The following PSORS1C1 variants were observed in gnomAD, a reference collection of about 807,000 sequenced individuals.
PSORS1C1 encodes psoriasis susceptibility 1 candidate 1.
A neutral mutation model predicts 9.4 loss-of-function variants in PSORS1C1; 7 were observed. The observed-to-expected ratio is 0.75, with a 90% CI of 0.42 to 1.40. The LOEUF (loss-of-function observed/expected upper bound fraction) is 1.40. PSORS1C1 is among the 40% of genes most tolerant of loss of function. PSORS1C1 has a pLI of 0.01. For synonymous variants in PSORS1C1, 63 were observed against 69.4 expected (o/e 0.91, Z 0.46); for missense variants, 146 against 178.1 (o/e 0.82, Z 1.02).
At chr6:31,117,638 CA>C in intron 1 of PSORS1C1, 2 of 923,636 alleles carry the variant, frequency 2.2e-6, no homozygotes, top group Non-Finnish European at 1.7e-6. Flanking sequence ...AAGCAGAGCG[CA>C]GGGAGAGTTT....
In PSORS1C1 at chr6:31,139,888, T is replaced by C. The variant is rs951185442; in HGVS notation, c.415T>C (p.Ser139Pro). Reference protein sequence around the residue: ...RTLAPTLLYSSPPSHSPFGLS... With the variant: ...RTLAPTLLYSPPPSHSPFGLS... ...CTTGGCTCCAACTCTATTGTACTCG[T>C]CTCCTCCCTCCCATTCTCCTTTTGG... is the stretch of plus-strand genomic sequence containing the variant. Residue 139 changes from serine (S) to proline (P), a missense_variant, in exon 6 of 6, where the codon TCT (serine) becomes CCT (proline). Ser to Pro is a moderately conservative substitution (Grantham distance 74). Transcript: ENST00000259881. The surrounding 1 kb of genome is among the most constrained non-coding windows in gnomAD (Gnocchi z 5.2). 3.1e-6 allele frequency: 5 copies of C among 1,612,856 alleles called. No homozygotes were observed. Among genetic ancestry groups the C allele is most frequent in the Non-Finnish European group, 4.2e-6 (5 of 1,179,982 alleles).
chr6:31,130,174 G>C (rs372614518), intron 3 of PSORS1C1, among the ~76,000 whole-genome samples: 63 of 152,000 alleles, frequency 4.1e-4, no homozygotes, highest in African/African-American at 1.4e-3. Context: ...CAGTTTGAGG[G>C]GTCCAGACCT....
chr6:31,129,587 G>A lies in PSORS1C1; in HGVS notation c.-46G>A. The A allele has an allele frequency of 1.3e-6, 1 of 779,200 alleles. No homozygotes were observed. Among genetic ancestry groups the A allele is most frequent in the Non-Finnish European group, 2.4e-6 (1 of 417,842 alleles). The allele number at this position is 779,200 out of a possible 1,614,324, so 48.3% of individuals were successfully genotyped here. ...ATGTCAGCCTGGGAAGAATTGGTTT[G>A]CAGCCAGGCAGTCCTCCATCCAGTC... On this transcript the variant is annotated 5_prime_UTR_variant, in exon 3 of 6. Coordinates refer to ENST00000259881, the MANE Select transcript of PSORS1C1 (RefSeq NM_014068.3).
Position 31,139,709 on chromosome 6 carries a change from G to T in PSORS1C1, c.236G>T (p.Arg79Ile), listed in dbSNP as rs1051311395. 1 of 1,613,066 alleles carries T rather than the reference G, an allele frequency of 6.2e-7. No homozygotes were observed. The highest frequency in any genetic ancestry group is 8.5e-7 in the Non-Finnish European group (1 of 1,180,032). The change falls in exon 6 of 6, where the codon AGA (arginine) becomes ATA (isoleucine). Residue 79 changes from arginine (R) to isoleucine (I), a missense_variant. Coordinates refer to ENST00000259881, the MANE Select transcript of PSORS1C1 (RefSeq NM_014068.3). The surrounding 1 kb of genome is among the most constrained non-coding windows in gnomAD (Gnocchi z 5.2). ...CTGGCAGCCACCCAGGATGACTGCA[G>T]AAAAGGAAGGACACAGGAGGATATC... ...FHLAATQDDC[R>I]KGRTQEDILV...
rs3909110 is a variant in PSORS1C1 at position 31,128,405 on chromosome 6, T to G, written c.-64-1164T>G. On this transcript the variant is annotated intron_variant, in intron 2 of 5. Coordinates refer to ENST00000259881, the MANE Select transcript of PSORS1C1 (RefSeq NM_014068.3). The surrounding 1 kb of genome is among the most constrained non-coding windows in gnomAD (Gnocchi z 4.3). Reference sequence around the variant, plus strand: ...CCTAAAGTCCCATCCCAAGGTCACATAGAGAACGAATGGCTAAGTAGCGAC... The same window carrying G: ...CCTAAAGTCCCATCCCAAGGTCACAGAGAGAACGAATGGCTAAGTAGCGAC... Among the ~76,000 whole-genome samples, 1 of 151,962 alleles carries G rather than the reference T, an allele frequency of 6.6e-6. No homozygotes were observed. Among genetic ancestry groups the G allele is most frequent in the Admixed American group, 6.5e-5 (1 of 15,270 alleles).
intron 1 of PSORS1C1, chr6:31,118,052 G>A (rs1772264986): frequency 6.3e-6 from 1 of 157,908 alleles, no homozygotes; most frequent in Admixed American, 6.1e-5. Context: ...AGGCTCTGAG[G>A]AGTCCAGGCG....
rs763664266 is a variant in PSORS1C1 at position 31,114,892 on chromosome 6, G to T, written c.-229+1G>T. On this transcript the variant is annotated splice_donor_variant, in intron 1 of 5. Coordinates refer to ENST00000259881, the MANE Select transcript of PSORS1C1 (RefSeq NM_014068.3). LOFTEE classifies it low-confidence loss of function (5UTR_SPLICE). The stretch of plus-strand genomic sequence containing the variant: ...TCCCAGAGAGGATGGCATCTAGAAG[G>T]TGAGGAATGCTAATGGTGGAAGAAA... 15 of 452,664 alleles carry T rather than the reference G, an allele frequency of 3.3e-5. No homozygotes were observed. Among genetic ancestry groups the T allele is most frequent in the South Asian group, 2.3e-4 (15 of 64,106 alleles). 28.0% of individuals were successfully genotyped at this position (452,664 alleles called of 1,614,324 possible). A position where few individuals can be genotyped will look rare whatever the true frequency, so the allele number is the denominator to read the frequency against.
intron 1 of PSORS1C1, chr6:31,120,359 G>A (rs761659956): frequency 6.3e-7 from 1 of 1,592,456 alleles, no homozygotes; most frequent in Non-Finnish European, 8.5e-7. Context: ...CCAGCCAGCA[G>A]CAGTGCCATC....
Position 31,128,785 on chromosome 6 carries a change from TC to T in PSORS1C1, c.-64-781del, listed in dbSNP as rs28993421. 0.036 allele frequency among the ~76,000 whole-genome samples: 5,439 copies of T among 152,178 alleles called. 127 individuals are homozygous for T. Among genetic ancestry groups the T allele is most frequent in the South Asian group, 0.076 (367 of 4,822 alleles). ...ATGAAATTGGCAGAGAAGTTAGGAG[TC>T]CCTCCTGGGCTCCTACGTCAGGGTT... On this transcript the variant is annotated intron_variant, in intron 2 of 5. Coordinates refer to ENST00000259881, the MANE Select transcript of PSORS1C1 (RefSeq NM_014068.3). The surrounding 1 kb of genome is among the most constrained non-coding windows in gnomAD (Gnocchi z 4.3).
At position 31,139,899 on chromosome 6, in the gene PSORS1C1, C is replaced by T; in HGVS notation, c.426C>T (p.Ser142=). The stretch of plus-strand genomic sequence containing the variant: ...CTCTATTGTACTCGTCTCCTCCCTC[C>T]CATTCTCCTTTTGGTCTCAGCTCCT... ...APTLLYSSPP[S]HSPFGLSSLI Residue 142 remains serine (S), a synonymous_variant, in exon 6 of 6, where the codon TCC becomes TCT. Transcript: ENST00000259881. The surrounding 1 kb of genome is among the most constrained non-coding windows in gnomAD (Gnocchi z 5.2). The T allele has an allele frequency of 6.2e-7, 1 of 1,612,966 alleles. No individual in the cohort carries two copies. The highest frequency in any genetic ancestry group is 8.5e-7 in the Non-Finnish European group (1 of 1,179,938).
chr6:31,133,390 G>A (rs1224150139), intron 3 of PSORS1C1, among the ~76,000 whole-genome samples: 5 of 151,986 alleles, frequency 3.3e-5, no homozygotes, highest in African/African-American at 9.7e-5. Flanking sequence ...CAGCACACAC[G>A]AAGGCTGATG....
chr6:31,116,835 G>T (rs566049981), intron 1 of PSORS1C1: 2 of 1,614,008 alleles, frequency 1.2e-6, no homozygotes, highest in Admixed American at 3.3e-5. Context: ...CACCAGAACC[G>T]TGCTGGTCCA....
chr6:31,124,008 C>A (rs1772571968), intron 1 of PSORS1C1, among the ~76,000 whole-genome samples: 1 of 152,124 alleles, frequency 6.6e-6, no homozygotes, highest in Non-Finnish European at 1.5e-5. Context: ...TATTTAGAAC[C>A]AGCGGATGGC....
intron 1 of PSORS1C1, among the ~76,000 whole-genome samples, chr6:31,120,761 G>A (rs1028439441): frequency 1.3e-5 from 2 of 152,096 alleles, no homozygotes; most frequent in Non-Finnish European, 2.9e-5. Context: ...CTCTTGCCAC[G>A]GGACCCAGCT....
At position 31,128,114 on chromosome 6, in the gene PSORS1C1, G is replaced by T. The variant is rs1234740365; in HGVS notation, c.-64-1455G>T. Among the ~76,000 whole-genome samples the T allele has an allele frequency of 6.6e-6, 1 of 152,154 alleles. No homozygotes were observed. Among genetic ancestry groups the T allele is most frequent in the Non-Finnish European group, 1.5e-5 (1 of 68,026 alleles). On this transcript the variant is annotated intron_variant, in intron 2 of 5. Coordinates refer to ENST00000259881, the MANE Select transcript of PSORS1C1 (RefSeq NM_014068.3). The surrounding 1 kb of genome is among the most constrained non-coding windows in gnomAD (Gnocchi z 4.3). ...CAGCCTGTGCCTGAATTTTCCTGAG[G>T]GCTTCAGAGCCTGTCTCGCCTCGCC...
intron 1 of PSORS1C1, among the ~76,000 whole-genome samples, chr6:31,121,516 C>T (rs979623869): frequency 3.9e-5 from 6 of 152,176 alleles, no homozygotes; most frequent in Non-Finnish European, 5.9e-5. Context: ...TCCTCCATTG[C>T]GTTGGCCTCC....
At chr6:31,119,534 G>A (rs115148459) in intron 1 of PSORS1C1, among the ~76,000 whole-genome samples, 3,865 of 152,208 alleles carry the variant, frequency 0.025, 126 homozygotes, top group African/African-American at 0.075. Flanking sequence ...TAACTTCTCT[G>A]AGCCTCAGTG....
chr6:31,138,392 T>A (rs1336118016), intron 3 of PSORS1C1, 38 bp from the exon 4 acceptor site: 2 of 1,430,964 alleles, frequency 1.4e-6, no homozygotes, highest in East Asian at 2.6e-5. Flanking sequence ...AGGAGGAGCC[T>A]GTCTGGATGG....
At chr6:31,123,987 T>C (rs1034185727) in intron 1 of PSORS1C1, among the ~76,000 whole-genome samples, 3 of 152,134 alleles carry the variant, frequency 2.0e-5, no homozygotes, top group Admixed American at 2.0e-4. Context: ...GGCCTTGTGG[T>C]GCTTCAGGTG....
Sources: gnomAD v4.1 joint callset for allele counts (sites outside exome capture counted in the v4.1 genomes callset) on GRCh38, gnomAD v4.1.1 for gene constraint, Gnocchi (gnomAD v3.1) non-coding constraint, MANE v1.5 for transcripts, NCBI Gene and HGNC (gene_info 2026-07-23, HGNC 2026-07-21) for gene names.